SLC14A1: variants seen among roughly 807,000 people sequenced by gnomAD.
SLC14A1 encodes urea transporter 1.
A neutral mutation model predicts 39.6 loss-of-function variants in SLC14A1; 36 were observed. That is an observed-to-expected ratio of 0.91 (90% CI 0.70 to 1.20). The LOEUF (loss-of-function observed/expected upper bound fraction) is 1.20, where lower values mean the gene tolerates loss of function less well. Ranked by LOEUF, SLC14A1 falls within the 50% of genes most tolerant of loss-of-function variation. The probability of loss-of-function intolerance (pLI) is 0.00; values close to 1 mark genes in which losing one functional copy is unlikely to be tolerated. For missense variants in SLC14A1, 469 were observed against 478.7 expected (o/e 0.98, Z 0.19); for synonymous variants, 164 against 173.6 (o/e 0.94, Z 0.43).
At chr18:45,726,429 T>C (rs1383983442) in intron 2 of SLC14A1, among the ~76,000 whole-genome samples, 1 of 152,052 alleles carries the variant, frequency 6.6e-6, no homozygotes, top group African/African-American at 2.4e-5. Context: ...AAAAAGAAAA[T>C]TTATAAAAAG....
At position 45,752,093 on chromosome 18, in the gene SLC14A1, A is replaced by G; in HGVS notation, c.*2142A>G. 1.0e-6 allele frequency: 1 copy of G among 985,470 alleles called. No homozygotes were observed. 61.0% of individuals were successfully genotyped at this position (985,470 alleles called of 1,614,324 possible). On this transcript the variant is annotated 3_prime_UTR_variant, in exon 10 of 10. Transcript: ENST00000321925. ...CCCAGTGACCAAAGCCTTTGGAACT[A>G]TGAATTTGCAACTGTCATAGGTTTA...
intron 6 of SLC14A1, among the ~76,000 whole-genome samples, chr18:45,738,483 A>C (rs1430588429): frequency 6.6e-6 from 1 of 152,258 alleles, no homozygotes; most frequent in African/African-American, 2.4e-5. Context: ...GCCAGAAAGT[A>C]GAATTATGAC....
chr18:45,747,673 C>T lies in SLC14A1; in HGVS notation c.947-703C>T, dbSNP rs553708217. 4.0e-5 allele frequency among the ~76,000 whole-genome samples: 6 copies of T among 151,674 alleles called. No homozygotes were observed. The South Asian group carries it at 8.3e-4, about 21-fold the overall frequency. ...TCACGCCAGTGCCCTCCAGCCTGGG[C>T]GACTGAGTGAGACTCCATCTCCAAA... On this transcript the variant is annotated intron_variant, in intron 8 of 9. Coordinates refer to ENST00000321925, the MANE Select transcript of SLC14A1 (RefSeq NM_015865.7).
chr18:45,731,370 G>C (rs1388768527), intron 4 of SLC14A1, 166 bp downstream of exon 4: 1 of 713,398 alleles, frequency 1.4e-6, no homozygotes, highest in Non-Finnish European at 2.5e-6. Context: ...ATCAGTTACA[G>C]TCTCTTGCTC....
rs1253002394 is a variant in SLC14A1 at position 45,730,439 on chromosome 18, G to C, written c.119G>C (p.Gly40Ala). The change falls in exon 3 of 10, where the codon GGT (glycine) becomes GCT (alanine). Residue 40 changes from glycine to alanine, a missense_variant. Physicochemically the swap from Gly to Ala is moderately conservative, Grantham distance 60. Transcript: ENST00000321925. ...CFPKALGYVT[G>A]DMKELANQLK... is the part of the protein sequence containing the mutation. ...CCCAAAGCTCTTGGCTATGTCACCG[G>C]TGACATGAAAGAACTTGCCAACCAG... 6.2e-7 allele frequency: 1 copy of C among 1,614,184 alleles called. No homozygotes were observed. The highest frequency in any genetic ancestry group is 1.1e-5 in the South Asian group (1 of 91,080).
chr18:45,728,057 C>T (rs1048634867), intron 2 of SLC14A1, among the ~76,000 whole-genome samples: 5 of 152,186 alleles, frequency 3.3e-5, no homozygotes, highest in Non-Finnish European at 5.9e-5. Flanking sequence ...GACATCCTAG[C>T]CCTACAACCC....
At chr18:45,737,476 T>G (rs1339931086) in intron 6 of SLC14A1, 2 of 152,260 alleles carry the variant, frequency 1.3e-5, no homozygotes, top group African/African-American at 4.8e-5. Flanking sequence ...CTTTTTAATG[T>G]GCTCTCCCAC....
chr18:45,748,470 C>G, intron 9 of SLC14A1, 45 bp downstream of exon 9: 1 of 1,592,492 alleles, frequency 6.3e-7, no homozygotes, highest in Non-Finnish European at 8.6e-7. Flanking sequence ...AATTGACCAG[C>G]TTACAACTAT....
intron 8 of SLC14A1, among the ~76,000 whole-genome samples, chr18:45,741,304 A>G (rs11082469): frequency 0.44 from 66,431 of 152,060 alleles, 14,975 homozygotes; most frequent in East Asian, 0.52. Context: ...TTAAGATAAT[A>G]TTCTAGAGTG....
chr18:45,740,342 CAG>C (rs977125032), intron 8 of SLC14A1, among the ~76,000 whole-genome samples: 1 of 152,178 alleles, frequency 6.6e-6, no homozygotes, highest in Admixed American at 6.5e-5. Context: ...CAGAATGCAT[CAG>C]AATCACCTGA....
Position 45,751,233 on chromosome 18 carries a change from G to A in SLC14A1, c.*1282G>A. On this transcript the variant is annotated 3_prime_UTR_variant, in exon 10 of 10. Transcript: ENST00000321925. ...TGGGTGCCTGTAGTTCCAGCTACTT[G>A]GGAGGCTGAGGTGGGAAAATGACTT... The A allele has an allele frequency of 2.4e-6, 1 of 422,808 alleles. No individual in the cohort carries two copies. Among genetic ancestry groups the A allele is most frequent in the Non-Finnish European group, 3.2e-6 (1 of 316,554 alleles). The allele number at this position is 422,808 out of a possible 1,614,324, so 26.2% of individuals were successfully genotyped here.
At chr18:45,737,254 C>T (rs1310769812) in intron 6 of SLC14A1, among the ~76,000 whole-genome samples, 1 of 152,154 alleles carries the variant, frequency 6.6e-6, no homozygotes, top group African/African-American at 2.4e-5. Flanking sequence ...AATTGTGATG[C>T]GGGCCAGAGT....
chr18:45,736,334 G>A (rs771568365), intron 5 of SLC14A1, 122 bp from the exon 6 acceptor site: 2 of 875,850 alleles, frequency 2.3e-6, no homozygotes, highest in Non-Finnish European at 3.8e-6. Flanking sequence ...TGTGGCAAAT[G>A]TGCCAACACA....
At chr18:45,744,683 A>G (rs2047492022) in intron 8 of SLC14A1, among the ~76,000 whole-genome samples, 1 of 152,088 alleles carries the variant, frequency 6.6e-6, no homozygotes. Context: ...TCTCAACATG[A>G]GCCCTCATAT....
At chr18:45,739,040 C>G in intron 6 of SLC14A1, 123 bp from the exon 7 acceptor site, 1 of 1,022,780 alleles carries the variant, frequency 9.8e-7, no homozygotes, top group Non-Finnish European at 1.6e-6. Context: ...ATGGTATTAA[C>G]ACTGTTCTTG....
At chr18:45,727,395 C>G in intron 2 of SLC14A1, 1 of 1,549,574 alleles carries the variant, frequency 6.5e-7, no homozygotes, top group Non-Finnish European at 8.7e-7. Context: ...AAGCTTGGCC[C>G]TGGCAGATGG....
At chr18:45,739,822 C>G in intron 8 of SLC14A1, 160 bp downstream of exon 8, 2 of 836,132 alleles carry the variant, frequency 2.4e-6, no homozygotes, top group Non-Finnish European at 3.9e-6. Context: ...CGTCCCCTCT[C>G]TGAGAGCATT....
intron 8 of SLC14A1, chr18:45,739,933 A>C (rs2047312360): frequency 2.0e-6 from 1 of 511,760 alleles, no homozygotes; most frequent in Non-Finnish European, 3.5e-6. Context: ...TAGAAAAAGA[A>C]AAATCCCAGT....
chr18:45,741,027 G>C (rs1396171959), intron 8 of SLC14A1: 1 of 152,258 alleles, frequency 6.6e-6, no homozygotes, highest in Non-Finnish European at 1.5e-5. Context: ...TGAGGCCAGA[G>C]AGGCTAAGGG....
Sources: gnomAD v4.1 joint callset for allele counts (sites outside exome capture counted in the v4.1 genomes callset) on GRCh38, gnomAD v4.1.1 for gene constraint, MANE v1.5 for transcripts, NCBI Gene and HGNC (gene_info 2026-07-23, HGNC 2026-07-21) for gene names.